Variants in OPRM1 observed in about 807,000 individuals in gnomAD.
OPRM1 encodes the protein mu-type opioid receptor.
OPRM1 carries 27 observed loss-of-function variants against 31.8 expected under a neutral mutation model. That is an observed-to-expected ratio of 0.85 (90% CI 0.63 to 1.17). The LOEUF is 1.17. Ranked by LOEUF, OPRM1 falls within the 50% of genes most tolerant of loss-of-function variation. The pLI is 0.00. For missense variants in OPRM1, 536 were observed against 511.1 expected (o/e 1.05, Z -0.47); for synonymous variants, 196 against 189.9 (o/e 1.03, Z -0.26).
intron 3 of OPRM1, among the ~76,000 whole-genome samples, chr6:154,186,656 G>A (rs577336526): frequency 2.7e-4 from 41 of 151,846 alleles, no homozygotes; most frequent in East Asian, 7.8e-4. Flanking sequence ...TCCCGGGTTC[G>A]CGCCATTCTC....
In OPRM1 at chr6:154,152,347, G is replaced by GAAAGAAAGAAAGAAAGAAAGAAA; in HGVS notation, c.1164+60875_1164+60876insAAAGAAAGAAAGAAAGAAAGAAA. 7.4e-3 allele frequency among the ~76,000 whole-genome samples: 482 copies of GAAAGAAAGAAAGAAAGAAAGAAA among 65,088 alleles called. 16 individuals carry two copies. The highest frequency in any genetic ancestry group is 0.029 in the East Asian group (63 of 2,202). 42.7% of individuals were successfully genotyped at this position (65,088 alleles called of 152,430 possible). A position where few individuals can be genotyped will look rare whatever the true frequency, so the allele number is the denominator to read the frequency against. ...AGAAAGAAAGAAAGAAAGAAAGAAA[G>GAAAGAAAGAAAGAAAGAAAGAAA]GAAAGAAAGAAAGAAAGAAAGAAAG... On this transcript the variant is annotated intron_variant, in intron 3 of 3. Coordinates refer to the OPRM1 transcript ENST00000337049.
chr6:154,152,185 AAGAG>A (rs71021027), intron 3 of OPRM1, among the ~76,000 whole-genome samples: 7,418 of 144,034 alleles, frequency 0.052, 279 homozygotes, highest in Non-Finnish European at 0.064. Context: ...AAAAAAAAGA[AAGAG>A]AGAGAGAGAG....
chr6:154,131,344 A>G lies in OPRM1; in HGVS notation c.*12623A>G, dbSNP rs1258511947. Among the ~76,000 whole-genome samples, 1 of 152,224 alleles carries G rather than the reference A, an allele frequency of 6.6e-6. No homozygotes were observed. Among genetic ancestry groups the G allele is most frequent in the Non-Finnish European group, 1.5e-5 (1 of 68,046 alleles). Reference sequence around the variant, plus strand: ...TGCCCACAAACTATTTTTCCTCTCCAGGAATAAGAATGGCAACTGAATTGT... The same window carrying G: ...TGCCCACAAACTATTTTTCCTCTCCGGGAATAAGAATGGCAACTGAATTGT... On this transcript the variant is annotated 3_prime_UTR_variant, in exon 4 of 4. Coordinates refer to ENST00000330432, the MANE Select transcript of OPRM1 (RefSeq NM_000914.5).
intron 1 of OPRM1, chr6:154,087,290 T>C (rs1790815129): frequency 1.6e-5 from 16 of 985,346 alleles, no homozygotes; most frequent in Middle Eastern, 5.2e-4. Flanking sequence ...CCTGATGTTA[T>C]TGAAACCAAA....
chr6:154,110,014 A>G (rs1378886203), intron 3 of OPRM1, among the ~76,000 whole-genome samples: 1 of 152,202 alleles, frequency 6.6e-6, no homozygotes, highest in Non-Finnish European at 1.5e-5. Context: ...TCAAAATTCA[A>G]TGTTTCACTG....
chr6:154,035,602 T>G (rs1466169119), upstream of OPRM1, among the ~76,000 whole-genome samples: 1 of 152,112 alleles, frequency 6.6e-6, no homozygotes, highest in Admixed American at 6.5e-5. Context: ...AATCATGTGT[T>G]CCATTAACAG....
chr6:154,175,984 C>G (rs191428817), intron 3 of OPRM1, among the ~76,000 whole-genome samples: 1 of 152,114 alleles, frequency 6.6e-6, no homozygotes, highest in Non-Finnish European at 1.5e-5. Flanking sequence ...ACAATCAAGT[C>G]GGCTTCATCC....
At chr6:154,140,341 T>A (rs542819565) in intron 3 of OPRM1, among the ~76,000 whole-genome samples, 2,359 of 152,032 alleles carry the variant, frequency 0.016, 74 homozygotes, top group African/African-American at 0.054. Context: ...TATTTTTTTT[T>A]TTTTTTTGAG....
rs1377770547 is a variant in OPRM1 at position 154,120,403 on chromosome 6, TA to T, written c.*1683del. On this transcript the variant is annotated 3_prime_UTR_variant, in exon 4 of 4. Transcript: ENST00000330432. Reference sequence around the variant, plus strand: ...AAAACAAAAGCCAAAATAAGTTTTTTAGTGTTTCCTTCTGATGAAGTTTCAT... The same window carrying T: ...AAAACAAAAGCCAAAATAAGTTTTTTGTGTTTCCTTCTGATGAAGTTTCAT... Among the ~76,000 whole-genome samples, 3 of 152,202 alleles carry T rather than the reference TA, an allele frequency of 2.0e-5. No homozygotes were observed. Among genetic ancestry groups the T allele is most frequent in the African/African-American group, 7.2e-5 (3 of 41,460 alleles).
At chr6:154,115,116 C>T (rs1796729592) in intron 3 of OPRM1, among the ~76,000 whole-genome samples, 1 of 152,198 alleles carries the variant, frequency 6.6e-6, no homozygotes, top group Non-Finnish European at 1.5e-5. Flanking sequence ...GATACAGTTA[C>T]TTCCTTTCCT....
chr6:154,029,436 C>G (rs1027165126), intron 1 of OPRM1, among the ~76,000 whole-genome samples: 2 of 152,178 alleles, frequency 1.3e-5, no homozygotes, highest in Non-Finnish European at 2.9e-5. Context: ...AAAGAAATTT[C>G]ATTCACATAC....
intron 3 of OPRM1, among the ~76,000 whole-genome samples, chr6:154,113,337 A>G (rs1407660058): frequency 1.3e-5 from 2 of 152,222 alleles, no homozygotes; most frequent in African/African-American, 4.8e-5. Context: ...TAGGGGACTA[A>G]CAAAGGAAAT....
intron 1 of OPRM1, among the ~76,000 whole-genome samples, chr6:154,047,470 C>T (rs1781355400): frequency 6.6e-6 from 1 of 151,278 alleles, no homozygotes; most frequent in South Asian, 2.1e-4. Context: ...CTCTCTCTGT[C>T]TCTCATTCTC....
chr6:154,239,972 G>A (rs983496689), intron 3 of OPRM1, among the ~76,000 whole-genome samples: 1 of 152,192 alleles, frequency 6.6e-6, no homozygotes, highest in Non-Finnish European at 1.5e-5. Flanking sequence ...AAAGTGCTGG[G>A]ACTACAGGCG....
chr6:154,099,101 G>A (rs1170270762), intron 3 of OPRM1, among the ~76,000 whole-genome samples: 1 of 152,004 alleles, frequency 6.6e-6, no homozygotes, highest in African/African-American at 2.4e-5. Context: ...GCAACCTGAC[G>A]AAAGTCGATC....
chr6:154,152,231 AAAGAG>A (rs1798520964), intron 3 of OPRM1, among the ~76,000 whole-genome samples: 1 of 150,108 alleles, frequency 6.7e-6, no homozygotes, highest in African/African-American at 2.5e-5. Context: ...AACGAAAAAG[AAAGAG>A]AAAAGAAAAA....
At chr6:154,115,101 T>A (rs617648) in intron 3 of OPRM1, among the ~76,000 whole-genome samples, 4 of 152,222 alleles carry the variant, frequency 2.6e-5, no homozygotes, top group Non-Finnish European at 5.9e-5. Flanking sequence ...CAGCTCTGCC[T>A]AGTGGATACA....
intron 3 of OPRM1, among the ~76,000 whole-genome samples, chr6:154,212,121 T>A (rs1778011428): frequency 6.6e-6 from 1 of 152,142 alleles, no homozygotes; most frequent in Non-Finnish European, 1.5e-5. Context: ...AAAATCACCT[T>A]CCCCAATGAT....
chr6:154,231,990 G>A (rs1009579472), intron 3 of OPRM1, among the ~76,000 whole-genome samples: 5 of 152,136 alleles, frequency 3.3e-5, no homozygotes, highest in Non-Finnish European at 5.9e-5. Flanking sequence ...ATGGCAAATA[G>A]GCTAAGTAAG....
Sources: gnomAD v4.1 joint callset for allele counts (sites outside exome capture counted in the v4.1 genomes callset) on GRCh38, gnomAD v4.1.1 for gene constraint, MANE v1.5 for transcripts, NCBI Gene and HGNC (gene_info 2026-07-23, HGNC 2026-07-21) for gene names.